REDIC1: variants seen among roughly 807,000 people sequenced by gnomAD.
REDIC1 encodes the protein regulator of DNA class I crossover intermediates 1.
the REDIC1 span, chr12:39,835,551 A>T: frequency 6.6e-6 from 1 of 152,156 alleles, no homozygotes; most frequent in Non-Finnish European, 1.5e-5. Context: ...ATTGATACAC[A>T]GTTTAAATTT....
At chr12:39,759,840 T>C in the REDIC1 span, 1 of 557,924 alleles carries the variant, frequency 1.8e-6, no homozygotes, top group East Asian at 2.9e-5. Flanking sequence ...TTTAAAATAT[T>C]GTTCCTTGTG....
chr12:39,659,983 G>A, the REDIC1 span, among the ~76,000 whole-genome samples: 1 of 152,080 alleles, frequency 6.6e-6, no homozygotes, highest in African/African-American at 2.4e-5. Flanking sequence ...CCTTCAGTTT[G>A]TAGTTAATTT....
chr12:39,712,397 TGTATATATACATACGTATATACATAC>T, the REDIC1 span, among the ~76,000 whole-genome samples: 93 of 134,036 alleles, frequency 6.9e-4, no homozygotes, highest in South Asian at 1.1e-3. Flanking sequence ...TATACCTGTA[TGTATATATACATACGTATATACATAC>T]GTATATATAC....
the REDIC1 span, among the ~76,000 whole-genome samples, chr12:39,639,209 C>G: frequency 1.3e-5 from 2 of 151,422 alleles, no homozygotes; most frequent in East Asian, 3.9e-4. Flanking sequence ...TTTCATTTTT[C>G]TTTGTAAAGT....
the REDIC1 span, among the ~76,000 whole-genome samples, chr12:39,708,056 A>G: frequency 6.6e-6 from 1 of 151,830 alleles, no homozygotes; most frequent in South Asian, 2.1e-4. Flanking sequence ...TAATGGATAC[A>G]AAAAATTCAA....
At chr12:39,710,717 C>A in the REDIC1 span, among the ~76,000 whole-genome samples, 4 of 151,808 alleles carry the variant, frequency 2.6e-5, no homozygotes, top group Non-Finnish European at 5.9e-5. Context: ...ACTTAGCTGC[C>A]TACTACTTTT....
chr12:39,780,879 T>C, the REDIC1 span, among the ~76,000 whole-genome samples: 10 of 152,136 alleles, frequency 6.6e-5, no homozygotes, highest in African/African-American at 2.2e-4. Context: ...CTGCTTAGAG[T>C]ATGAAAATAC....
chr12:39,838,266 T>A, the REDIC1 span, among the ~76,000 whole-genome samples: 1 of 148,340 alleles, frequency 6.7e-6, no homozygotes, highest in Non-Finnish European at 1.5e-5. Flanking sequence ...CCGCATATTC[T>A]CACTCGTAGG....
chr12:39,877,071 A>G, the REDIC1 span, among the ~76,000 whole-genome samples: 1 of 152,204 alleles, frequency 6.6e-6, no homozygotes. Flanking sequence ...CCATTACATT[A>G]AAAGAGGTTC....
the REDIC1 span, among the ~76,000 whole-genome samples, chr12:39,777,514 G>A: frequency 1.6e-4 from 24 of 152,290 alleles, no homozygotes; most frequent in East Asian, 4.1e-3. Context: ...CCCAGGGCCC[G>A]GGCCCATGGA....
the REDIC1 span, among the ~76,000 whole-genome samples, chr12:39,712,858 T>TATATGTATATAC: frequency 1.4e-4 from 2 of 13,984 alleles, no homozygotes; most frequent in Non-Finnish European, 5.5e-4. Flanking sequence ...TACACATATG[T>TATATGTATATAC]ATATACACGT....
At chr12:39,632,221 C>T in the REDIC1 span, among the ~76,000 whole-genome samples, 1,303 of 151,988 alleles carry the variant, frequency 8.6e-3, 23 homozygotes, top group African/African-American at 0.03. Context: ...CTCAGCCTTC[C>T]GAGTAGCTGG....
At chr12:39,862,017 G>GCT in the REDIC1 span, among the ~76,000 whole-genome samples, 1 of 152,248 alleles carries the variant, frequency 6.6e-6, no homozygotes, top group South Asian at 2.1e-4. Context: ...TTATCCAAAA[G>GCT]CTCTCCCTTC....
the REDIC1 span, among the ~76,000 whole-genome samples, chr12:39,680,366 T>A: frequency 6.6e-6 from 1 of 151,938 alleles, no homozygotes; most frequent in Admixed American, 6.6e-5. Flanking sequence ...GGTCAACAGA[T>A]ATGAAAAAAT....
At chr12:39,773,082 TAGA>T in the REDIC1 span, among the ~76,000 whole-genome samples, 1 of 152,198 alleles carries the variant, frequency 6.6e-6, no homozygotes, top group Non-Finnish European at 1.5e-5. Flanking sequence ...CAACTGCTGG[TAGA>T]AGAACATAAT....
the REDIC1 span, among the ~76,000 whole-genome samples, chr12:39,781,027 A>G: frequency 0.015 from 2,345 of 152,282 alleles, 58 homozygotes; most frequent in African/African-American, 0.051. Flanking sequence ...ACAATATTTC[A>G]TCTCAAGTTA....
At chr12:39,896,311 T>C in the REDIC1 span, among the ~76,000 whole-genome samples, 2 of 131,082 alleles carry the variant, frequency 1.5e-5, no homozygotes, top group East Asian at 3.0e-4. Flanking sequence ...TATGTATACA[T>C]ATATGTATGT....
At chr12:39,838,800 T>C in the REDIC1 span, among the ~76,000 whole-genome samples, 1 of 152,138 alleles carries the variant, frequency 6.6e-6, no homozygotes. Context: ...TTTTAGTTTC[T>C]ACTCTGTGAA....
chr12:39,664,617 T>C, the REDIC1 span, among the ~76,000 whole-genome samples: 1 of 152,182 alleles, frequency 6.6e-6, no homozygotes, highest in Non-Finnish European at 1.5e-5. Context: ...GGTCAAATGG[T>C]ATTTCTAGTT....
Sources: allele counts gnomAD v4.1 joint callset (sites outside exome capture counted in the v4.1 genomes callset), GRCh38; gene constraint gnomAD v4.1.1; transcripts MANE v1.5; gene names NCBI Gene and HGNC (gene_info 2026-07-23, HGNC 2026-07-21).